POLE: variants seen among roughly 807,000 people sequenced by gnomAD.
POLE encodes DNA polymerase epsilon catalytic subunit A.
Under a neutral mutation model 279.2 loss-of-function variants are expected in POLE, and 188 were observed. The observed-to-expected ratio is 0.67, with a 90% CI of 0.60 to 0.76. The LOEUF (loss-of-function observed/expected upper bound fraction) is 0.76. Ranked by LOEUF, POLE falls within the 30% of genes least tolerant of loss-of-function variation. POLE has a pLI of 0.00. For missense variants in POLE, 2,703 were observed against 3,016.7 expected (o/e 0.90, Z 2.44); for synonymous variants, 1,214 against 1,172.5 (o/e 1.04, Z -0.72).
rs1278798275 is a variant in POLE at position 132,664,590 on chromosome 12, T to C, written c.2469-128A>G. On this transcript the variant is annotated intron_variant, in intron 21 of 48. Coordinates refer to ENST00000320574, the MANE Select transcript of POLE (RefSeq NM_006231.4). The surrounding 1 kb of genome is among the most constrained non-coding windows in gnomAD (Gnocchi z 5.3). The stretch of plus-strand genomic sequence containing the variant: ...GACAAGGGAAGCAGCCAAATGTGCG[T>C]GCACCAGGACAGAACTAAGGTGGAA... 18 of 718,976 alleles carry C rather than the reference T, an allele frequency of 2.5e-5. No homozygotes were observed. The allele number at this position is 718,976 out of a possible 1,614,324, so 44.5% of individuals were successfully genotyped here. A position where few individuals can be genotyped will look rare whatever the true frequency, so the allele number is the denominator to read the frequency against.
At chr12:132,625,209 C>A in intron 47 of POLE, 1 of 703,948 alleles carries the variant, frequency 1.4e-6, no homozygotes, top group Admixed American at 1.9e-5. Flanking sequence ...GGATGTTCCA[C>A]CCCAGATGCC....
Position 132,642,801 on chromosome 12 carries a change from A to T in POLE, c.4728+19T>A, listed in dbSNP as rs750687395. ...CAAAGAAGATGGGGCTCACACAGCAAGACCCCAACCACTCTCACCTTGTAG... is the reference window on the plus strand; with the variant it reads ...CAAAGAAGATGGGGCTCACACAGCATGACCCCAACCACTCTCACCTTGTAG... On this transcript the variant is annotated intron_variant, in intron 36 of 48. Transcript: ENST00000320574. 13 of 1,613,772 alleles carry T rather than the reference A, an allele frequency of 8.1e-6. 1 individual carries two copies. The South Asian group carries it at 1.3e-4, about 16-fold the overall frequency.
Position 132,632,805 on chromosome 12 carries a change from G to C in POLE, c.6005-10C>G, listed in dbSNP as rs1555221024. ...ACGGCCACGATGTACGCTGTGGAGAGGCACACACACCACAGGCCCTGAGTC... is the reference window on the plus strand; with the variant it reads ...ACGGCCACGATGTACGCTGTGGAGACGCACACACACCACAGGCCCTGAGTC... On this transcript the variant is annotated splice_polypyrimidine_tract_variant and intron_variant, in intron 43 of 48. Coordinates refer to ENST00000320574, the MANE Select transcript of POLE (RefSeq NM_006231.4). The C allele has an allele frequency of 6.3e-7, 1 of 1,596,060 alleles. No homozygotes were observed. Among genetic ancestry groups the C allele is most frequent in the Middle Eastern group, 1.7e-4 (1 of 6,008 alleles).
chr12:132,649,312 A>T lies in POLE; in HGVS notation c.3999T>A (p.Ile1333=), dbSNP rs929039052. 8.1e-6 allele frequency: 13 copies of T among 1,613,422 alleles called. No homozygotes were observed. The highest frequency in any genetic ancestry group is 1.1e-5 in the Non-Finnish European group (13 of 1,179,984). The stretch of plus-strand genomic sequence containing the variant: ...CTTGGATCAAGGTCTATACCTGCAC[A>T]ATCTGCCACGGAAGGTCCAGGATGC... ...ARSILDLPWQ[I]VQISETSQAG... Residue 1333 remains isoleucine, a synonymous_variant, in exon 31 of 49, where the codon ATT becomes ATA. Transcript: ENST00000320574.
At chr12:132,648,434 G>A (rs1299807496) in intron 32 of POLE, 1 of 152,236 alleles carries the variant, frequency 6.6e-6, no homozygotes, top group African/African-American at 2.4e-5. Flanking sequence ...AACCACCATG[G>A]CATGTGCTTA....
At chr12:132,647,698 C>G (rs1003292822) in intron 32 of POLE, among the ~76,000 whole-genome samples, 1 of 152,088 alleles carries the variant, frequency 6.6e-6, no homozygotes, top group African/African-American at 2.4e-5. Flanking sequence ...AGCTGATAGT[C>G]ATAAAGGGAA....
chr12:132,624,824 C>T lies in POLE; in HGVS notation c.6748-14G>A. On this transcript the variant is annotated splice_polypyrimidine_tract_variant and intron_variant, in intron 48 of 48. Transcript: ENST00000320574. Reference sequence around the variant, plus strand: ...TTCCATGAAGACCTGCAGGAATAAACAGGCACAGTGAGACCCCAGTCCACT... The same window carrying T: ...TTCCATGAAGACCTGCAGGAATAAATAGGCACAGTGAGACCCCAGTCCACT... 7.5e-6 allele frequency: 12 copies of T among 1,600,802 alleles called. No individual in the cohort carries two copies. Among genetic ancestry groups the T allele is most frequent in the East Asian group, 2.2e-5 (1 of 44,828 alleles).
rs5744818 is a variant in POLE at position 132,665,711 on chromosome 12, GCA to G, written c.2320-263_2320-262del. Among the ~76,000 whole-genome samples, 278 of 152,214 alleles carry G rather than the reference GCA, an allele frequency of 1.8e-3. 2 individuals carry two copies. Among genetic ancestry groups the G allele is most frequent in the African/African-American group, 6.4e-3 (266 of 41,528 alleles). ...ACGGTCTGACATCCTAAACGCTTCA[GCA>G]CAGTTTCTAGGGAACAAGAGCTACT... On this transcript the variant is annotated intron_variant, in intron 20 of 48. Coordinates refer to ENST00000320574, the MANE Select transcript of POLE (RefSeq NM_006231.4).
chr12:132,625,227 G>C (rs2041808833), intron 47 of POLE: 1 of 722,026 alleles, frequency 1.4e-6, no homozygotes, highest in Admixed American at 1.8e-5. Context: ...GCCCAGTCCT[G>C]AGGCCTCCTC....
At chr12:132,658,881 C>CAA (rs1167117347) in intron 26 of POLE, among the ~76,000 whole-genome samples, 10,939 of 33,754 alleles carry the variant, frequency 0.32, 3,772 homozygotes, top group East Asian at 0.56. Flanking sequence ...ATATAACCAC[C>CAA]AAAAAAAAAA....
Position 132,668,848 on chromosome 12 carries a change from GC to G in POLE, c.1885del (p.Ala629ProfsTer8), listed in dbSNP as rs754925525. On this transcript the variant is annotated frameshift_variant, in exon 17 of 49. Coordinates refer to ENST00000320574, the MANE Select transcript of POLE (RefSeq NM_006231.4). LOFTEE classifies it high-confidence loss of function. This position sits in a 1 kb window ranked among gnomAD's most constrained non-coding sequence, Gnocchi z 4.0. ...GGTCAGGATGATGTTGGGGTACATG[GC>G]CCCCACGTCCAGGTGGTAGATGAGT... The part of the protein sequence containing the change: ...CPLIYHLDVG[A>X]MYPNIILTNR... 6.2e-7 allele frequency: 1 copy of G among 1,613,996 alleles called. No homozygotes were observed. The highest frequency in any genetic ancestry group is 8.5e-7 in the Non-Finnish European group (1 of 1,179,870).
chr12:132,652,328 T>A (rs59092219), intron 29 of POLE, among the ~76,000 whole-genome samples: 1 of 138,870 alleles, frequency 7.2e-6, no homozygotes, highest in Non-Finnish European at 1.6e-5. Context: ...TTTTTTTTTT[T>A]TTTTTTTTTA....
chr12:132,648,512 A>G (rs914180385), intron 32 of POLE: 7 of 156,684 alleles, frequency 4.5e-5, no homozygotes, highest in Non-Finnish European at 8.4e-5. Context: ...AAAAAAAGAA[A>G]AAAAAAGAAA....
At chr12:132,672,420 G>A (rs2042950447) in intron 15 of POLE, 98 bp from the exon 16 acceptor site, 24 of 1,178,196 alleles carry the variant, frequency 2.0e-5, no homozygotes, top group Middle Eastern at 2.3e-4. Context: ...GGTTGTGCCC[G>A]AGAAAGCTCC....
chr12:132,673,145 C>T lies in POLE; in HGVS notation c.1473+19G>A, dbSNP rs1057517628. On this transcript the variant is annotated intron_variant, in intron 14 of 48. Coordinates refer to ENST00000320574, the MANE Select transcript of POLE (RefSeq NM_006231.4). ...AGGGCTGAGGAGGCCAGGGTGCCGA[C>T]AGGACAGATAATGCTCACCTCGTCG... 2 of 1,506,536 alleles carry T rather than the reference C, an allele frequency of 1.3e-6. No homozygotes were observed. Among genetic ancestry groups the T allele is most frequent in the Non-Finnish European group, 1.8e-6 (2 of 1,081,858 alleles). The allele number at this position is 1,506,536 out of a possible 1,614,324, so 93.3% of individuals were successfully genotyped here.
At chr12:132,626,400 A>T in intron 45 of POLE, 83 bp from the exon 46 acceptor site, 1 of 1,339,264 alleles carries the variant, frequency 7.5e-7, no homozygotes, top group Non-Finnish European at 1.1e-6. Flanking sequence ...TCTGGACCTT[A>T]GGCTACAGTT....
chr12:132,668,765 C>A lies in POLE; in HGVS notation c.1924-28G>T, dbSNP rs1282473660. 6.2e-7 allele frequency: 1 copy of A among 1,613,882 alleles called. No individual in the cohort carries two copies. The highest frequency in any genetic ancestry group is 1.7e-5 in the Admixed American group (1 of 60,018). ...GGGAGGGGTGAGAAAGCACTTAGGG[C>A]TGGGCAGAGAGAGCTCCGACTCTGA... On this transcript the variant is annotated intron_variant, in intron 17 of 48. Coordinates refer to ENST00000320574, the MANE Select transcript of POLE (RefSeq NM_006231.4). The surrounding 1 kb of genome is among the most constrained non-coding windows in gnomAD (Gnocchi z 4.0).
rs866237249 is a variant in POLE at position 132,649,885 on chromosome 12, G to A, written c.3587C>T (p.Thr1196Met). ...ACTGTCTTCTGAGGCCTCGGCCATC[G>A]TGACCTGGAAAGACCCAGTGAAGCC... ...LFTLEGRRQV[T>M]MAEASEDSPR... The change falls in exon 30 of 49, where the codon ACG becomes ATG. Residue 1196 changes from threonine to methionine, a missense_variant. Thr to Met is a moderately conservative substitution (Grantham distance 81). Around this residue, in one of 5 missense-constraint regions of POLE, gnomAD observed 1,551 missense variants for 1,686.1 expected, o/e 0.92. Transcript: ENST00000320574. 8.1e-6 allele frequency: 13 copies of A among 1,613,492 alleles called. No individual in the cohort carries two copies. Among genetic ancestry groups the A allele is most frequent in the East Asian group, 6.7e-5 (3 of 44,876 alleles).
intron 45 of POLE, 60 bp from the exon 46 acceptor site, chr12:132,626,377 T>A (rs1290097088): frequency 1.8e-5 from 27 of 1,533,980 alleles, no homozygotes; most frequent in Non-Finnish European, 2.4e-5. Context: ...CTGCTCTGTC[T>A]GGACCAGAAC....
Sources: allele counts gnomAD v4.1 joint callset (sites outside exome capture counted in the v4.1 genomes callset), GRCh38; gene constraint gnomAD v4.1.1; regional missense constraint gnomAD v4.1.1; non-coding constraint Gnocchi (gnomAD v3.1); transcripts MANE v1.5; gene names NCBI Gene and HGNC (gene_info 2026-07-23, HGNC 2026-07-21).